The following CLVS1 variants were observed in gnomAD, a reference collection of about 807,000 sequenced individuals.
The protein encoded by CLVS1 is clavesin-1.
A neutral mutation model predicts 33.1 loss-of-function variants in CLVS1; 10 were observed. The observed-to-expected ratio is 0.30, with a 90% CI of 0.19 to 0.51. The LOEUF (loss-of-function observed/expected upper bound fraction) is 0.51. CLVS1 is among the 20% of genes least tolerant of loss of function. CLVS1 has a pLI of 0.97. For missense variants in CLVS1, 343 were observed against 433.4 expected, an observed-to-expected ratio of 0.79 and a Z score of 1.85; for synonymous variants, 163 against 166.1, an observed-to-expected ratio of 0.98 and a Z score of 0.14.
chr8:61,068,356 C>G (rs989083347), intron 1 of CLVS1, among the ~76,000 whole-genome samples: 2 of 151,592 alleles, frequency 1.3e-5, no homozygotes, highest in African/African-American at 4.8e-5. Context: ...GACTCCAGGG[C>G]GGGAGAGCTG....
chr8:61,078,202 G>C (rs746068546), intron 1 of CLVS1, among the ~76,000 whole-genome samples: 12 of 152,232 alleles, frequency 7.9e-5, no homozygotes, highest in Non-Finnish European at 1.6e-4. Context: ...GGGAAGGAGA[G>C]AGCTTTATTT....
At chr8:61,228,935 T>C (rs1263438574) in intron 2 of CLVS1, among the ~76,000 whole-genome samples, 3 of 152,228 alleles carry the variant, frequency 2.0e-5, no homozygotes, top group Non-Finnish European at 4.4e-5. Context: ...TGCTGAGTCA[T>C]GTGGTAGTTC....
At chr8:61,089,037 C>T (rs10086805) in intron 1 of CLVS1, among the ~76,000 whole-genome samples, 30,663 of 151,902 alleles carry the variant, frequency 0.2, 3,561 homozygotes, top group African/African-American at 0.32. Context: ...CTCCTGACCT[C>T]GTGATCTGCC....
chr8:61,110,795 A>T (rs2129288197), intron 1 of CLVS1, among the ~76,000 whole-genome samples: 1 of 152,330 alleles, frequency 6.6e-6, no homozygotes, highest in East Asian at 1.9e-4. Flanking sequence ...ATCATACAGT[A>T]TTAGTCTTTT....
At chr8:61,315,539 T>C (rs1382499536) in intron 2 of CLVS1, among the ~76,000 whole-genome samples, 1 of 152,136 alleles carries the variant, frequency 6.6e-6, no homozygotes, top group Non-Finnish European at 1.5e-5. Context: ...TTTTCATATT[T>C]ATACTGCTTT....
intron 2 of CLVS1, among the ~76,000 whole-genome samples, chr8:61,325,898 T>C (rs1200273225): frequency 6.6e-6 from 1 of 152,200 alleles, no homozygotes; most frequent in Non-Finnish European, 1.5e-5. Flanking sequence ...TAACATAATT[T>C]ATCATACATA....
intron 2 of CLVS1, among the ~76,000 whole-genome samples, chr8:61,245,886 A>C (rs544956947): frequency 1.2e-4 from 18 of 152,042 alleles, no homozygotes; most frequent in Admixed American, 1.1e-3. Context: ...CTCCCTTTTC[A>C]GTCTCCAAGT....
At chr8:61,465,873 A>G (rs1225299947) in intron 5 of CLVS1, 4 of 152,260 alleles carry the variant, frequency 2.6e-5, no homozygotes, top group African/African-American at 7.2e-5. Context: ...CATGTTGACC[A>G]GGATGGTCTC....
rs1807403237 is a variant in CLVS1, at chr8:61,188,996, T to C, written c.-152+57136T>C. 2.0e-5 allele frequency among the ~76,000 whole-genome samples: 3 copies of C among 151,986 alleles called. No individual in the cohort carries two copies. The South Asian group carries it at 6.2e-4, about 31-fold the overall frequency. On this transcript the variant is annotated intron_variant, in intron 2 of 2. Transcript: ENST00000522621. ...TAAAAGAATTATACATTTAGATATATTGTAGCAAAACTATAGAGAAATAGA... is the reference window on the plus strand; with the variant it reads ...TAAAAGAATTATACATTTAGATATACTGTAGCAAAACTATAGAGAAATAGA...
chr8:61,266,654 C>T (rs548910187), intron 2 of CLVS1, among the ~76,000 whole-genome samples: 4 of 151,996 alleles, frequency 2.6e-5, no homozygotes, highest in Non-Finnish European at 4.4e-5. Flanking sequence ...TTTGCATAAC[C>T]CTTGAGATGA....
At chr8:61,031,318 C>T in the CLVS1 span, among the ~76,000 whole-genome samples, 3 of 152,204 alleles carry the variant, frequency 2.0e-5, no homozygotes, top group Admixed American at 6.5e-5. Context: ...AGGAAACCCA[C>T]CTGCAGGGTG....
the CLVS1 span, among the ~76,000 whole-genome samples, chr8:60,971,267 T>C: frequency 6.6e-6 from 1 of 152,224 alleles, no homozygotes; most frequent in African/African-American, 2.4e-5. Context: ...TTTGTAGCGA[T>C]AGGGTTTCGC....
At chr8:61,202,311 C>T (rs1266750042) in intron 2 of CLVS1, 17 of 666,758 alleles carry the variant, frequency 2.5e-5, no homozygotes, top group South Asian at 1.5e-4. Context: ...CGTTTATCTT[C>T]GTCCGCCTTC....
At chr8:61,450,390 A>G (rs1816909745) in intron 3 of CLVS1, among the ~76,000 whole-genome samples, 1 of 152,228 alleles carries the variant, frequency 6.6e-6, no homozygotes, top group South Asian at 2.1e-4. Context: ...AAATGAAATC[A>G]CCATAAAATG....
chr8:61,445,899 A>G (rs1463645830), intron 3 of CLVS1, among the ~76,000 whole-genome samples: 1 of 152,216 alleles, frequency 6.6e-6, no homozygotes, highest in Non-Finnish European at 1.5e-5. Flanking sequence ...TTTATATTTT[A>G]TGAGAAATTG....
At chr8:61,292,825 C>T (rs1005339922) in intron 1 of CLVS1, among the ~76,000 whole-genome samples, 1 of 152,186 alleles carries the variant, frequency 6.6e-6, no homozygotes, top group Non-Finnish European at 1.5e-5. Context: ...ACAAAAATCT[C>T]ATACTTTATA....
chr8:61,288,731 C>T (rs551154398), intron 1 of CLVS1, among the ~76,000 whole-genome samples: 71 of 152,304 alleles, frequency 4.7e-4, no homozygotes, highest in Middle Eastern at 3.4e-3. Context: ...AATGTAAGCT[C>T]AACCTGTGTT....
intron 1 of CLVS1, among the ~76,000 whole-genome samples, chr8:61,119,915 G>T (rs1467285246): frequency 9.5e-5 from 13 of 137,554 alleles, no homozygotes; most frequent in African/African-American, 2.0e-4. Flanking sequence ...TTTGAATGTT[G>T]GCCTGCCTTG....
intron 2 of CLVS1, among the ~76,000 whole-genome samples, chr8:61,364,287 G>A (rs1038635712): frequency 6.6e-6 from 1 of 152,156 alleles, no homozygotes; most frequent in African/African-American, 2.4e-5. Context: ...TGGTCAGGGT[G>A]TTCCTGCACC....
Sources: allele counts gnomAD v4.1 joint callset (sites outside exome capture counted in the v4.1 genomes callset), GRCh38; gene constraint gnomAD v4.1.1; transcripts MANE v1.5; gene names NCBI Gene and HGNC (gene_info 2026-07-23, HGNC 2026-07-21).